CDH9: variants seen among roughly 807,000 people sequenced by gnomAD.
The protein encoded by CDH9 is cadherin 9, also known as cadherin-9.
In CDH9, 28 loss-of-function variants were observed where a neutral mutation model predicts 70.9. That is an observed-to-expected ratio of 0.40 (90% CI 0.29 to 0.54). The LOEUF (loss-of-function observed/expected upper bound fraction) is 0.54, where lower values mean the gene tolerates loss of function less well. Among genes scored for constraint, CDH9 ranks in the 20% least tolerant of loss-of-function variants. CDH9 has a pLI of 0.59. For synonymous variants in CDH9, 409 were observed against 343.1 expected (o/e 1.19, Z -2.12); for missense variants, 874 against 984.4 (o/e 0.89, Z 1.50).
Position 26,923,516 on chromosome 5 carries a change from C to T in CDH9, c.229-7592G>A, listed in dbSNP as rs572732041. On this transcript the variant is annotated intron_variant, in intron 2 of 11. Transcript: ENST00000231021. Reference sequence around the variant, plus strand: ...CCACTGTCAGCATTGGAAAGATCATCTAGACAAAAAAATCAACAAAGAAAC... The same window carrying T: ...CCACTGTCAGCATTGGAAAGATCATTTAGACAAAAAAATCAACAAAGAAAC... 4.6e-5 allele frequency among the ~76,000 whole-genome samples: 7 copies of T among 152,032 alleles called. No individual in the cohort carries two copies. The South Asian group carries it at 1.5e-3, about 32-fold the overall frequency.
chr5:26,923,778 A>G lies in CDH9; in HGVS notation c.229-7854T>C, dbSNP rs535574583. ...ATGAGGAATTTTAGAAACTATACAAACACATCGAAATTAATCAATATGCTC... is the reference window on the plus strand; with the variant it reads ...ATGAGGAATTTTAGAAACTATACAAGCACATCGAAATTAATCAATATGCTC... On this transcript the variant is annotated intron_variant, in intron 2 of 11. Transcript: ENST00000231021. Among the ~76,000 whole-genome samples the G allele has an allele frequency of 5.9e-5, 9 of 152,206 alleles. No homozygotes were observed. In the Middle Eastern group the frequency reaches 0.014, roughly 230 times the overall value.
intron 3 of CDH9, among the ~76,000 whole-genome samples, chr5:26,914,761 A>G (rs1741119392): frequency 6.6e-6 from 1 of 152,034 alleles, no homozygotes; most frequent in African/African-American, 2.4e-5. Flanking sequence ...AGAATGTCAA[A>G]ATCATACACT....
At chr5:26,981,069 GAGA>G (rs1174095875) in intron 2 of CDH9, among the ~76,000 whole-genome samples, 1 of 152,052 alleles carries the variant, frequency 6.6e-6, no homozygotes, top group Non-Finnish European at 1.5e-5. Context: ...GTTGGTGGAA[GAGA>G]AGAGGTATAA....
intron 2 of CDH9, among the ~76,000 whole-genome samples, chr5:26,986,151 A>G (rs1412673357): frequency 6.6e-6 from 1 of 152,014 alleles, no homozygotes; most frequent in Non-Finnish European, 1.5e-5. Context: ...ATTATTTCCT[A>G]CTGGAAACAT....
At chr5:26,936,171 C>T (rs1487844922) in intron 2 of CDH9, among the ~76,000 whole-genome samples, 1 of 151,894 alleles carries the variant, frequency 6.6e-6, no homozygotes, top group Non-Finnish European at 1.5e-5. Flanking sequence ...GATGGGTACA[C>T]CAAAATCTCA....
At chr5:26,894,466 G>GT (rs1740712688) in intron 7 of CDH9, among the ~76,000 whole-genome samples, 13 of 152,110 alleles carry the variant, frequency 8.5e-5, no homozygotes, top group South Asian at 2.1e-4. Flanking sequence ...TTCACTTTAA[G>GT]AATTCATGAA....
intron 1 of CDH9, among the ~76,000 whole-genome samples, chr5:27,017,137 C>A (rs1743059885): frequency 6.6e-6 from 1 of 151,572 alleles, no homozygotes; most frequent in African/African-American, 2.4e-5. Context: ...AAGTACTTTT[C>A]AAAAAATATT....
chr5:26,900,195 A>G (rs1019644665), intron 7 of CDH9, among the ~76,000 whole-genome samples: 3 of 152,114 alleles, frequency 2.0e-5, no homozygotes, highest in African/African-American at 7.2e-5. Context: ...TAAAATATGT[A>G]GATACAACTC....
chr5:26,968,425 A>G (rs1175226318), intron 2 of CDH9, among the ~76,000 whole-genome samples: 2 of 152,000 alleles, frequency 1.3e-5, no homozygotes, highest in Non-Finnish European at 2.9e-5. Flanking sequence ...AGCTGGGACT[A>G]TAGGAGCGCA....
chr5:26,976,350 C>T (rs1742302291), intron 2 of CDH9, among the ~76,000 whole-genome samples: 2 of 152,118 alleles, frequency 1.3e-5, no homozygotes, highest in Admixed American at 6.5e-5. Flanking sequence ...AGTGACCTTC[C>T]TATAAGATTG....
chr5:26,961,383 T>G (rs763277059), intron 2 of CDH9, among the ~76,000 whole-genome samples: 2 of 152,194 alleles, frequency 1.3e-5, no homozygotes, highest in Non-Finnish European at 2.9e-5. Context: ...TTTTGTATTC[T>G]TGGGCCAACA....
chr5:27,017,855 A>G (rs1017365066), intron 1 of CDH9, among the ~76,000 whole-genome samples: 18 of 151,982 alleles, frequency 1.2e-4, no homozygotes, highest in African/African-American at 4.1e-4. Flanking sequence ...TCTAATTCAC[A>G]TATAGGTTAT....
chr5:27,005,759 C>T (rs1742851867), intron 1 of CDH9, among the ~76,000 whole-genome samples: 1 of 151,946 alleles, frequency 6.6e-6, no homozygotes, highest in Non-Finnish European at 1.5e-5. Context: ...AGACATAGAA[C>T]CAACTTAAAT....
chr5:26,971,744 C>T (rs1742221912), intron 2 of CDH9, among the ~76,000 whole-genome samples: 1 of 150,726 alleles, frequency 6.6e-6, no homozygotes, highest in Non-Finnish European at 1.5e-5. Context: ...CTTTTCACAG[C>T]CTGCACACAA....
intron 2 of CDH9, among the ~76,000 whole-genome samples, chr5:26,968,196 A>C (rs1334475391): frequency 6.6e-6 from 1 of 152,184 alleles, no homozygotes; most frequent in Non-Finnish European, 1.5e-5. Flanking sequence ...GCTGTTACTA[A>C]AGTATATACA....
chr5:26,915,746 C>A lies in CDH9; in HGVS notation c.407G>T (p.Gly136Val). The A allele has an allele frequency of 6.2e-7, 1 of 1,613,590 alleles. No homozygotes were observed. ...TTCCGATTCCGGTTCCACCTGCCGC[C>A]CAGTTTTTCTGTCTATAGCCTTGGC... ...LRAKAIDRKT[G>V]RQVEPESEFI... The change falls in exon 3 of 12, where the codon GGG (glycine) becomes GTG (valine). Residue 136 changes from glycine (G) to valine (V), a missense_variant. Gly to Val is a moderately radical substitution (Grantham distance 109). Transcript: ENST00000231021.
chr5:27,000,761 A>T (rs1439366718), intron 1 of CDH9, among the ~76,000 whole-genome samples: 1 of 152,190 alleles, frequency 6.6e-6, no homozygotes, highest in South Asian at 2.1e-4. Flanking sequence ...GATTCCTATA[A>T]TTGAACATTA....
At chr5:26,955,308 C>T (rs1319620700) in intron 2 of CDH9, among the ~76,000 whole-genome samples, 1 of 152,200 alleles carries the variant, frequency 6.6e-6, no homozygotes, top group South Asian at 2.1e-4. Context: ...CTGTAACAAG[C>T]AACCACAACC....
chr5:26,984,067 A>G lies in CDH9; in HGVS notation c.228+4039T>C, dbSNP rs187552373. ...TTCCTGTTGTTTTAGGTAACAGATA[A>G]ACCAATTGTAACCATGAAGGCAGAG... is the stretch of plus-strand genomic sequence containing the variant. On this transcript the variant is annotated intron_variant, in intron 2 of 11. Transcript: ENST00000231021. 2.6e-5 allele frequency among the ~76,000 whole-genome samples: 4 copies of G among 152,250 alleles called. No individual in the cohort carries two copies. The East Asian group carries it at 7.7e-4, about 29-fold the overall frequency.
Sources: allele counts gnomAD v4.1 joint callset (sites outside exome capture counted in the v4.1 genomes callset), GRCh38; gene constraint gnomAD v4.1.1; transcripts MANE v1.5; gene names NCBI Gene and HGNC (gene_info 2026-07-23, HGNC 2026-07-21).